AGBL4: variants seen among roughly 807,000 people sequenced by gnomAD.
The protein encoded by AGBL4 is cytosolic carboxypeptidase 6.
In AGBL4, 58 loss-of-function variants were observed where a neutral mutation model predicts 66.4. The observed-to-expected ratio is 0.87, with a 90% confidence interval of 0.71 to 1.09. The LOEUF is 1.09. Ranked by LOEUF, AGBL4 falls within the 50% of genes least tolerant of loss-of-function variation. The pLI is 0.00. For synonymous variants in AGBL4, 234 were observed against 222.9 expected (o/e 1.05, Z -0.44); for missense variants, 579 against 631.0 (o/e 0.92, Z 0.88).
chr1:49,841,369 A>G (rs1432932063), intron 2 of AGBL4, among the ~76,000 whole-genome samples: 1 of 152,184 alleles, frequency 6.6e-6, no homozygotes, highest in Non-Finnish European at 1.5e-5. Flanking sequence ...GGAAAGACAT[A>G]CCATGCTCAT....
intron 3 of AGBL4, among the ~76,000 whole-genome samples, chr1:49,343,426 T>C (rs1035109860): frequency 6.6e-6 from 1 of 152,148 alleles, no homozygotes; most frequent in African/African-American, 2.4e-5. Context: ...AAATATACAT[T>C]CAGAAATGGC....
At chr1:49,543,584 G>A (rs897722111) in intron 3 of AGBL4, among the ~76,000 whole-genome samples, 1 of 152,144 alleles carries the variant, frequency 6.6e-6, no homozygotes, top group Non-Finnish European at 1.5e-5. Flanking sequence ...ATATCAGCAA[G>A]AGTGTTCTGA....
chr1:48,690,099 G>C (rs1396443620), intron 6 of AGBL4, among the ~76,000 whole-genome samples: 1 of 152,236 alleles, frequency 6.6e-6, no homozygotes, highest in Non-Finnish European at 1.5e-5. Context: ...CTGCGCCATG[G>C]AGCCCATCAC....
intron 2 of AGBL4, among the ~76,000 whole-genome samples, chr1:49,724,903 G>T (rs1648899675): frequency 1.3e-5 from 2 of 151,872 alleles, no homozygotes; most frequent in Admixed American, 1.3e-4. Flanking sequence ...AGAAATGTGA[G>T]AAAATAAATT....
chr1:49,574,163 C>T (rs1644389994), intron 3 of AGBL4, among the ~76,000 whole-genome samples: 1 of 152,148 alleles, frequency 6.6e-6, no homozygotes, highest in Non-Finnish European at 1.5e-5. Context: ...TACACTCGAA[C>T]TGTTTCGGTT....
intron 3 of AGBL4, among the ~76,000 whole-genome samples, chr1:49,312,436 T>C (rs2148462549): frequency 6.6e-6 from 1 of 152,206 alleles, no homozygotes; most frequent in Admixed American, 6.6e-5. Flanking sequence ...CAGTCTCACG[T>C]ATTTTGTTAT....
intron 4 of AGBL4, among the ~76,000 whole-genome samples, chr1:49,136,071 C>T (rs190649003): frequency 9.2e-5 from 14 of 152,140 alleles, no homozygotes; most frequent in Admixed American, 9.2e-4. Context: ...AATATGGCAT[C>T]CAAAACTGTA....
chr1:49,859,792 G>C (rs1646523381), intron 1 of AGBL4, among the ~76,000 whole-genome samples: 1 of 151,822 alleles, frequency 6.6e-6, no homozygotes. Flanking sequence ...AATTAAAGCT[G>C]TACATACTGT....
At chr1:49,175,920 G>A (rs1241442968) in intron 4 of AGBL4, among the ~76,000 whole-genome samples, 1 of 152,164 alleles carries the variant, frequency 6.6e-6, no homozygotes, top group East Asian at 1.9e-4. Context: ...CGTGGATACT[G>A]TTCCATAGTT....
intron 4 of AGBL4, among the ~76,000 whole-genome samples, chr1:49,070,753 A>G (rs1028143940): frequency 6.6e-6 from 1 of 151,930 alleles, no homozygotes; most frequent in Admixed American, 6.6e-5. Context: ...TCATAAAATG[A>G]GTTAGGGAGG....
At chr1:49,769,095 C>T (rs2147878877) in intron 2 of AGBL4, among the ~76,000 whole-genome samples, 1 of 152,242 alleles carries the variant, frequency 6.6e-6, no homozygotes, top group East Asian at 1.9e-4. Flanking sequence ...GATCTGCCCA[C>T]CTCGGCCTCC....
chr1:49,082,145 T>C (rs891784751), intron 4 of AGBL4, among the ~76,000 whole-genome samples: 5 of 152,240 alleles, frequency 3.3e-5, no homozygotes, highest in South Asian at 2.1e-4. Flanking sequence ...CTATCCACTA[T>C]ATGTACTTAG....
chr1:49,542,620 G>A (rs907132569), intron 3 of AGBL4, among the ~76,000 whole-genome samples: 6 of 152,154 alleles, frequency 3.9e-5, no homozygotes, highest in African/African-American at 1.2e-4. Context: ...TAACTTGTCC[G>A]GGTGTGGTGT....
chr1:48,688,887 G>A (rs1313672286), intron 6 of AGBL4, among the ~76,000 whole-genome samples: 1 of 151,942 alleles, frequency 6.6e-6, no homozygotes, highest in African/African-American at 2.4e-5. Context: ...AAGTGGGGGT[G>A]TCAGTTGCAG....
chr1:49,982,264 G>A (rs551764089), intron 1 of AGBL4, among the ~76,000 whole-genome samples: 4 of 152,188 alleles, frequency 2.6e-5, no homozygotes, highest in East Asian at 1.9e-4. Flanking sequence ...CCAGGGCTGC[G>A]CTCCACAGAG....
chr1:49,818,013 A>G (rs559106499), intron 2 of AGBL4, among the ~76,000 whole-genome samples: 25 of 152,326 alleles, frequency 1.6e-4, no homozygotes, highest in Admixed American at 1.1e-3. Context: ...TATAAAACTT[A>G]GAAAAAAATC....
chr1:48,762,612 TTTTGTGTGTGTGTGTGTGTGTGTGTGTG>T (rs1298681803), intron 6 of AGBL4, among the ~76,000 whole-genome samples: 13 of 127,984 alleles, frequency 1.0e-4, no homozygotes, highest in African/African-American at 4.2e-4. Context: ...TCTTTAAGGG[TTTTGTGTGTGTGTGTGTGTGTGTGTGTG>T]TGTGTGTGTG....
chr1:48,535,500 G>A (rs769422659), intron 12 of AGBL4, among the ~76,000 whole-genome samples: 1 of 152,104 alleles, frequency 6.6e-6, no homozygotes, highest in African/African-American at 2.4e-5. Flanking sequence ...CCAAGTGCAG[G>A]TCTGGTGTGG....
At chr1:49,805,478 G>T (rs1557464698) in intron 2 of AGBL4, among the ~76,000 whole-genome samples, 1 of 152,126 alleles carries the variant, frequency 6.6e-6, no homozygotes, top group Non-Finnish European at 1.5e-5. Flanking sequence ...CAAAGAGAAA[G>T]ATTTTTAAAG....
Sources: gnomAD v4.1 joint callset for allele counts (sites outside exome capture counted in the v4.1 genomes callset) on GRCh38, gnomAD v4.1.1 for gene constraint, MANE v1.5 for transcripts, NCBI Gene and HGNC (gene_info 2026-07-23, HGNC 2026-07-21) for gene names.